Variants in FAF1 observed in about 807,000 individuals in gnomAD.
FAF1 encodes FAS-associated factor 1.
Under a neutral mutation model 92.5 loss-of-function variants are expected in FAF1, and 25 were observed. The observed-to-expected ratio is 0.27, with a 90% CI of 0.20 to 0.38. The LOEUF is 0.38. Ranked by LOEUF, FAF1 falls within the 10% of genes least tolerant of loss-of-function variation. FAF1 has a pLI of 1.00. For missense variants in FAF1, 636 were observed against 793.3 expected (o/e 0.80, Z 2.38); for synonymous variants, 234 against 273.2 (o/e 0.86, Z 1.42).
intron 2 of FAF1, among the ~76,000 whole-genome samples, chr1:50,848,696 C>G (rs952156242): frequency 6.6e-6 from 1 of 152,168 alleles, no homozygotes; most frequent in Non-Finnish European, 1.5e-5. Flanking sequence ...CTGTGATATT[C>G]TTTCCAAGAA....
At chr1:50,470,814 A>C (rs1276511076) in intron 18 of FAF1, 1 of 152,214 alleles carries the variant, frequency 6.6e-6, no homozygotes. Context: ...TGCAAGACTA[A>C]CTACCACTGA....
chr1:50,529,400 T>C (rs1244721121), intron 15 of FAF1, among the ~76,000 whole-genome samples: 1 of 152,232 alleles, frequency 6.6e-6, no homozygotes, highest in Non-Finnish European at 1.5e-5. Context: ...TCAATCCTTA[T>C]TATCTATTAA....
intron 8 of FAF1, among the ~76,000 whole-genome samples, chr1:50,624,443 G>A (rs1653398412): frequency 2.0e-5 from 3 of 152,012 alleles, no homozygotes; most frequent in South Asian, 2.1e-4. Flanking sequence ...CACCGCGCCC[G>A]GCCAACTTTC....
Position 50,437,190 on chromosome 1 carries a change from T to C in FAF1, c.*4250A>G, listed in dbSNP as rs1254546265. 6.6e-6 allele frequency: 1 copy of C among 152,148 alleles called. No individual in the cohort carries two copies. Among genetic ancestry groups the C allele is most frequent in the Non-Finnish European group, 1.5e-5 (1 of 68,036 alleles). The allele number at this position is 152,148 out of a possible 1,614,324, so 9.4% of individuals were successfully genotyped here. ...TGCAGAGATATTCAAGGCAAGAAAG[T>C]CTAGTGATTGTATTTCATCCTCTGG... is the stretch of plus-strand genomic sequence containing the variant. On this transcript the variant is annotated 3_prime_UTR_variant, in exon 19 of 19. Coordinates refer to ENST00000396153, the MANE Select transcript of FAF1 (RefSeq NM_007051.3).
chr1:50,724,227 G>C (rs1002072085), intron 6 of FAF1, among the ~76,000 whole-genome samples: 11 of 114,590 alleles, frequency 9.6e-5, no homozygotes, highest in Non-Finnish European at 1.8e-4. Flanking sequence ...GACAGAGCAA[G>C]ACTGTCTTTC....
intron 4 of FAF1, among the ~76,000 whole-genome samples, chr1:50,769,065 AAGAG>A (rs1174352766): frequency 6.6e-6 from 1 of 152,060 alleles, no homozygotes; most frequent in African/African-American, 2.4e-5. Context: ...ACAGGAGAGA[AAGAG>A]AGAGAGATAG....
At chr1:50,858,453 G>A (rs1644407325) in intron 1 of FAF1, among the ~76,000 whole-genome samples, 1 of 151,742 alleles carries the variant, frequency 6.6e-6, no homozygotes, top group Admixed American at 6.6e-5. Flanking sequence ...GCCACTACCA[G>A]CCGCTCTCTG....
At chr1:50,596,055 A>C in intron 9 of FAF1, 66 bp downstream of exon 9, 1 of 994,722 alleles carries the variant, frequency 1.0e-6, no homozygotes, top group Non-Finnish European at 1.6e-6. Flanking sequence ...ATAAAAAAAA[A>C]GGGAAGTGCG....
chr1:50,737,903 G>A (rs1264162080), intron 6 of FAF1, among the ~76,000 whole-genome samples: 2 of 152,022 alleles, frequency 1.3e-5, no homozygotes, highest in Non-Finnish European at 2.9e-5. Flanking sequence ...AGAAAAATTT[G>A]TATCAACAAC....
chr1:50,531,383 ACT>A (rs1194660297), intron 15 of FAF1, among the ~76,000 whole-genome samples: 3 of 152,246 alleles, frequency 2.0e-5, no homozygotes, highest in Non-Finnish European at 2.9e-5. Context: ...AGTATCACAA[ACT>A]CTTGATTATC....
chr1:50,480,078 T>C (rs1646683462), intron 17 of FAF1, among the ~76,000 whole-genome samples: 1 of 152,232 alleles, frequency 6.6e-6, no homozygotes, highest in Non-Finnish European at 1.5e-5. Flanking sequence ...TATAGTTTAT[T>C]TGCATTATTT....
chr1:50,591,255 A>G (rs140388774), intron 9 of FAF1, among the ~76,000 whole-genome samples: 1,874 of 152,316 alleles, frequency 0.012, 32 homozygotes, highest in African/African-American at 0.043. Flanking sequence ...TTGCACTAGT[A>G]CAACAGACTC....
chr1:50,881,024 C>CA (rs1644607665), intron 1 of FAF1, among the ~76,000 whole-genome samples: 2 of 152,182 alleles, frequency 1.3e-5, no homozygotes, highest in South Asian at 4.1e-4. Context: ...CTTACAAACT[C>CA]AGAGATTCTG....
chr1:50,511,393 C>G (rs1433345849), intron 15 of FAF1, among the ~76,000 whole-genome samples: 1 of 152,098 alleles, frequency 6.6e-6, no homozygotes, highest in African/African-American at 2.4e-5. Flanking sequence ...TATCCCTCCC[C>G]TAACCCCCCA....
chr1:50,820,983 C>CT (rs1370621462), intron 2 of FAF1, among the ~76,000 whole-genome samples: 1 of 152,132 alleles, frequency 6.6e-6, no homozygotes, highest in Non-Finnish European at 1.5e-5. Context: ...TGTTACTACT[C>CT]TAAGATTTGT....
intron 9 of FAF1, among the ~76,000 whole-genome samples, chr1:50,593,942 T>C (rs1651657203): frequency 6.6e-6 from 1 of 152,202 alleles, no homozygotes; most frequent in Non-Finnish European, 1.5e-5. Flanking sequence ...ACATTTTGTA[T>C]AGAATGTAAA....
At chr1:50,709,292 A>G (rs12406390) in intron 6 of FAF1, among the ~76,000 whole-genome samples, 289 of 152,222 alleles carry the variant, frequency 1.9e-3, no homozygotes, top group Middle Eastern at 6.8e-3. Flanking sequence ...CTGAATTCCT[A>G]TATCACATAC....
chr1:50,642,660 TAATAAAATAA>T (rs1399302748), intron 8 of FAF1, among the ~76,000 whole-genome samples: 2 of 152,016 alleles, frequency 1.3e-5, no homozygotes, highest in East Asian at 3.9e-4. Flanking sequence ...AAAATAATAA[TAATAAAATAA>T]AATAAAATTC....
At chr1:50,766,972 A>C (rs1490748535) in intron 4 of FAF1, among the ~76,000 whole-genome samples, 3 of 152,128 alleles carry the variant, frequency 2.0e-5, no homozygotes, top group Non-Finnish European at 2.9e-5. Flanking sequence ...ACCAGGTTGA[A>C]ATGACTAAAA....
Sources: allele counts gnomAD v4.1 joint callset (sites outside exome capture counted in the v4.1 genomes callset), GRCh38; gene constraint gnomAD v4.1.1; transcripts MANE v1.5; gene names NCBI Gene and HGNC (gene_info 2026-07-23, HGNC 2026-07-21).